TSHZ2: variants seen among roughly 807,000 people sequenced by gnomAD.
TSHZ2 encodes teashirt homolog 2.
A neutral mutation model predicts 74.4 loss-of-function variants in TSHZ2; 21 were observed. The observed-to-expected ratio is 0.28, with a 90% CI of 0.20 to 0.41. TSHZ2 has a LOEUF of 0.41. TSHZ2 is among the 10% of genes least tolerant of loss of function. The pLI, the probability that TSHZ2 is intolerant of heterozygous loss-of-function variation, is 1.00. For missense variants in TSHZ2, 1,244 were observed against 1,293.5 expected (o/e 0.96, Z 0.59); for synonymous variants, 540 against 515.3 (o/e 1.05, Z -0.65).
intron 1 of TSHZ2, among the ~76,000 whole-genome samples, chr20:53,086,736 A>G (rs1048085811): frequency 2.0e-5 from 3 of 152,122 alleles, no homozygotes; most frequent in African/African-American, 7.2e-5. Context: ...CCCTTTGCAC[A>G]GTTCTGTGGT....
At chr20:53,040,753 G>A (rs1279343989) in intron 1 of TSHZ2, among the ~76,000 whole-genome samples, 3 of 152,098 alleles carry the variant, frequency 2.0e-5, no homozygotes, top group South Asian at 4.1e-4. Context: ...TGGACCCAAC[G>A]ACCCTTACCC....
chr20:53,402,910 TCC>T (rs1982719347), intron 2 of TSHZ2, among the ~76,000 whole-genome samples: 1 of 152,176 alleles, frequency 6.6e-6, no homozygotes, highest in Non-Finnish European at 1.5e-5. Context: ...ACTGTTCAGC[TCC>T]CAGGGCTGCC....
intron 2 of TSHZ2, among the ~76,000 whole-genome samples, chr20:53,389,531 C>G (rs1982173189): frequency 6.6e-6 from 1 of 152,210 alleles, no homozygotes; most frequent in Non-Finnish European, 1.5e-5. Context: ...GTGGCCAAGA[C>G]TAGCAAATGC....
intron 1 of TSHZ2, among the ~76,000 whole-genome samples, chr20:53,039,811 CACA>C (rs1983971725): frequency 5.0e-5 from 7 of 139,148 alleles, no homozygotes; most frequent in Non-Finnish European, 7.6e-5. Context: ...CACACACACA[CACA>C]CCAGTGAAGA....
chr20:53,139,883 T>C (rs1987344055), intron 1 of TSHZ2, among the ~76,000 whole-genome samples: 1 of 152,204 alleles, frequency 6.6e-6, no homozygotes, highest in East Asian at 1.9e-4. Context: ...TGCATGTTTC[T>C]CAGCATTTAA....
At chr20:53,160,843 G>T (rs1987915171) in intron 1 of TSHZ2, among the ~76,000 whole-genome samples, 1 of 151,374 alleles carries the variant, frequency 6.6e-6, no homozygotes, top group East Asian at 1.9e-4. Context: ...CTCACCATAG[G>T]CCCATCTTCT....
intron 1 of TSHZ2, among the ~76,000 whole-genome samples, chr20:53,001,220 G>GTGTGTGTGTGTGTGTGTATA (rs1555813591): frequency 7.2e-4 from 106 of 146,390 alleles, no homozygotes; most frequent in African/African-American, 2.6e-3. Context: ...GTGTGTGTGT[G>GTGTGTGTGTGTGTGTGTATA]TGTGTGTGTG....
chr20:53,443,714 G>C (rs979251991), intron 2 of TSHZ2, among the ~76,000 whole-genome samples: 3 of 152,192 alleles, frequency 2.0e-5, no homozygotes, highest in Non-Finnish European at 4.4e-5. Flanking sequence ...AGCTCTGCTG[G>C]GAGAACTTGA....
At chr20:53,262,482 G>A (rs1023963135) in intron 2 of TSHZ2, among the ~76,000 whole-genome samples, 1 of 152,086 alleles carries the variant, frequency 6.6e-6, no homozygotes, top group Admixed American at 6.5e-5. Flanking sequence ...TGCACACCTC[G>A]GTGAGCAGAT....
intron 2 of TSHZ2, among the ~76,000 whole-genome samples, chr20:53,468,900 TA>T (rs1241393389): frequency 1.3e-5 from 2 of 150,162 alleles, no homozygotes; most frequent in African/African-American, 4.9e-5. Flanking sequence ...CCAAGCCGAC[TA>T]TCATGATCAT....
At chr20:53,421,687 T>TTTG (rs1179899431) in intron 2 of TSHZ2, 1 of 138,056 alleles carries the variant, frequency 7.2e-6, no homozygotes, top group Admixed American at 7.3e-5. Context: ...TTTGGTTTTT[T>TTTG]TTTTTTTTTT....
intron 2 of TSHZ2, among the ~76,000 whole-genome samples, chr20:53,467,178 C>T (rs1985587932): frequency 6.6e-6 from 1 of 152,232 alleles, no homozygotes; most frequent in Non-Finnish European, 1.5e-5. Context: ...TTAATATCCA[C>T]ATCAAATGTT....
chr20:53,022,218 T>A (rs1052661263), intron 1 of TSHZ2, among the ~76,000 whole-genome samples: 16 of 152,192 alleles, frequency 1.1e-4, no homozygotes, highest in Non-Finnish European at 2.2e-4. Context: ...GAAAAACTAT[T>A]TCCTAGCACT....
intron 2 of TSHZ2, among the ~76,000 whole-genome samples, chr20:53,340,818 T>A (rs1980167909): frequency 6.6e-6 from 1 of 152,132 alleles, no homozygotes; most frequent in South Asian, 2.1e-4. Context: ...CAGTGAGTAA[T>A]GGGACAATCA....
intron 1 of TSHZ2, among the ~76,000 whole-genome samples, chr20:53,091,985 G>A (rs764377393): frequency 2.0e-5 from 3 of 152,170 alleles, no homozygotes; most frequent in Non-Finnish European, 4.4e-5. Flanking sequence ...GTTCAAGGTT[G>A]CAGTGAGCCA....
At chr20:53,309,066 C>T (rs1978670201) in intron 2 of TSHZ2, among the ~76,000 whole-genome samples, 1 of 152,206 alleles carries the variant, frequency 6.6e-6, no homozygotes, top group South Asian at 2.1e-4. Flanking sequence ...CAAGACAGAG[C>T]AGAGTGCTCA....
intron 2 of TSHZ2, among the ~76,000 whole-genome samples, chr20:53,434,027 C>T (rs1403312143): frequency 6.6e-6 from 1 of 152,150 alleles, no homozygotes; most frequent in African/African-American, 2.4e-5. Flanking sequence ...TGCCACCATG[C>T]TCAGCTAATT....
intron 1 of TSHZ2, among the ~76,000 whole-genome samples, chr20:53,235,559 T>G (rs530337844): frequency 9.9e-5 from 15 of 152,258 alleles, no homozygotes; most frequent in African/African-American, 3.6e-4. Flanking sequence ...CACATAAATG[T>G]AAAAATATCT....
intron 2 of TSHZ2, among the ~76,000 whole-genome samples, chr20:53,305,753 G>A (rs1408567783): frequency 6.6e-6 from 1 of 152,180 alleles, no homozygotes; most frequent in East Asian, 1.9e-4. Flanking sequence ...GCCTAGGCAG[G>A]TGGATCATGA....
Sources: allele counts gnomAD v4.1 joint callset (sites outside exome capture counted in the v4.1 genomes callset), GRCh38; gene constraint gnomAD v4.1.1; transcripts MANE v1.5; gene names NCBI Gene and HGNC (gene_info 2026-07-23, HGNC 2026-07-21).